The following TONSL variants were observed in gnomAD, a reference collection of about 807,000 sequenced individuals.
TONSL encodes tonsoku like, DNA repair protein.
TONSL carries 112 observed loss-of-function variants against 147.1 expected under a neutral mutation model. That is an observed-to-expected ratio of 0.76 (90% CI 0.65 to 0.89). The LOEUF (loss-of-function observed/expected upper bound fraction) is 0.89. Among genes scored for constraint, TONSL ranks in the 40% least tolerant of loss-of-function variants. The pLI is 0.00. For synonymous variants in TONSL, 868 were observed against 801.5 expected, an observed-to-expected ratio of 1.08 and a Z score of -1.40; for missense variants, 1,883 against 1,864.6, an observed-to-expected ratio of 1.01 and a Z score of -0.18.
At chr8:144,438,812 C>A (rs1823584209) in intron 11 of TONSL, 77 bp from the exon 12 acceptor site, 1 of 1,455,152 alleles carries the variant, frequency 6.9e-7, no homozygotes. Context: ...CTGCAAGCTC[C>A]CCAAACTCCC....
intron 9 of TONSL, 116 bp from the exon 10 acceptor site, chr8:144,440,592 G>A: frequency 4.6e-6 from 7 of 1,522,600 alleles, no homozygotes; most frequent in Non-Finnish European, 6.2e-6. Context: ...AGCTGCCGAG[G>A]GTGGATGGTC....
chr8:144,444,094 G>A (rs990261822), intron 2 of TONSL, 70 bp from the exon 3 acceptor site: 12 of 1,327,312 alleles, frequency 9.0e-6, no homozygotes, highest in Non-Finnish European at 1.1e-5. Context: ...GGCGTCTGCC[G>A]GAAGAGCCCG....
intron 14 of TONSL, 53 bp from the exon 15 acceptor site, chr8:144,436,973 C>G: frequency 6.2e-7 from 1 of 1,612,904 alleles, no homozygotes; most frequent in Middle Eastern, 1.7e-4. Context: ...AGGACTGACT[C>G]TTCGCCCCAC....
chr8:144,433,278 G>A (rs1017898093), intron 22 of TONSL: 9 of 249,824 alleles, frequency 3.6e-5, no homozygotes, highest in Middle Eastern at 1.3e-3. Flanking sequence ...GCGTTTCACC[G>A]TGTTAGCCAG....
At position 144,433,873 on chromosome 8, in the gene TONSL, C is replaced by T. The variant is rs115816282; in HGVS notation, c.3387+105G>A. On this transcript the variant is annotated intron_variant, in intron 21 of 25. Coordinates refer to ENST00000409379, the MANE Select transcript of TONSL (RefSeq NM_013432.5). The stretch of plus-strand genomic sequence containing the variant: ...CTTGCCTGGCATAGCCTATTACAGC[C>T]GGGCACTGGCTGGCTCTCCCAACTA... 5,087 of 1,465,210 alleles carry T rather than the reference C, an allele frequency of 3.5e-3. 143 individuals carry two copies. The African/African-American group carries it at 0.062, about 18-fold the overall frequency. The allele number at this position is 1,465,210 out of a possible 1,614,324, so 90.8% of individuals were successfully genotyped here. A position where few individuals can be genotyped will look rare whatever the true frequency, so the allele number is the denominator to read the frequency against.
At position 144,429,063 on chromosome 8, in the gene TONSL, A is replaced by T; in HGVS notation, c.*80T>A. 1.4e-6 allele frequency: 2 copies of T among 1,414,576 alleles called. No individual in the cohort carries two copies. The highest frequency in any genetic ancestry group is 1.9e-6 in the Non-Finnish European group (2 of 1,078,320). The allele number at this position is 1,414,576 out of a possible 1,614,324, so 87.6% of individuals were successfully genotyped here. On this transcript the variant is annotated 3_prime_UTR_variant, in exon 26 of 26. Transcript: ENST00000409379. ...CTGGGCCTCCCAAAGTGTTGGGATT[A>T]CAGGCGTGAGCCACCGCGCCCGGCC...
chr8:144,440,097 C>T lies in TONSL; in HGVS notation c.1404G>A (p.Glu468=), dbSNP rs778541195. 23 of 1,610,558 alleles carry T rather than the reference C, an allele frequency of 1.4e-5. No individual in the cohort carries two copies. Among genetic ancestry groups the T allele is most frequent in the Non-Finnish European group, 1.8e-5 (21 of 1,178,312 alleles). The change falls in exon 11 of 26, where the codon GAG becomes GAA. Residue 468 remains glutamate (E), a synonymous_variant. Coordinates refer to ENST00000409379, the MANE Select transcript of TONSL (RefSeq NM_013432.5). ...ELSVAEDEDE[E]EEAEEAAATA... ...TGGCTGCCGCCTCCTCCGCCTCCTC[C>T]TCCTCATCTTCATCTTCAGCTACAC... is the stretch of plus-strand genomic sequence containing the variant.
chr8:144,432,605 G>A (rs1369462545), intron 22 of TONSL, 145 bp from the exon 23 acceptor site: 4 of 779,864 alleles, frequency 5.1e-6, no homozygotes, highest in East Asian at 6.5e-5. Flanking sequence ...AGAGGCAAAG[G>A]CTCTCGCCCA....
chr8:144,439,952 C>T, intron 11 of TONSL, 69 bp downstream of exon 11: 1 of 751,668 alleles, frequency 1.3e-6, no homozygotes, highest in South Asian at 1.5e-5. Context: ...TCCACAGCAG[C>T]ACAGCACACC....
rs148146816 is a variant in TONSL, at chr8:144,435,863, C to A, written c.2570G>T (p.Arg857Leu). ...CGACCCAGAGGTACTACTGGGCCTG[C>A]GGTTGTCTCCAGTGCCCCGGGGGCG... is the stretch of plus-strand genomic sequence containing the variant. ...RPRPRGTGDN[R>L]RPSSTSGSDS... The change falls in exon 17 of 26, where the codon CGC becomes CTC. Residue 857 changes from arginine to leucine, a missense_variant. Coordinates refer to ENST00000409379, the MANE Select transcript of TONSL (RefSeq NM_013432.5). The A allele has an allele frequency of 2.5e-6, 4 of 1,604,428 alleles. No individual in the cohort carries two copies. The African/African-American group carries it at 4.0e-5, about 16-fold the overall frequency.
At chr8:144,439,939 G>C (rs1293627132) in intron 11 of TONSL, 82 bp downstream of exon 11, 1 of 710,536 alleles carries the variant, frequency 1.4e-6, no homozygotes, top group Non-Finnish European at 2.5e-6. Flanking sequence ...GCCCTAAGCA[G>C]GCTCCACAGC....
Position 144,433,670 on chromosome 8 carries a change from G to A in TONSL, c.3477C>T (p.Leu1159=). The A allele has an allele frequency of 6.2e-7, 1 of 1,613,150 alleles. No homozygotes were observed. The highest frequency in any genetic ancestry group is 8.5e-7 in the Non-Finnish European group (1 of 1,179,920). ...LASLLHACPL[L]STLRLQACGF... ...CACACGCCTGCAGGCGCAGGGTGCT[G>A]AGTAAGGGGCAGGCGTGCAGGAGGG... is the stretch of plus-strand genomic sequence containing the variant. The change falls in exon 22 of 26, where the codon CTC becomes CTT. Residue 1159 remains leucine (L), a synonymous_variant. Coordinates refer to ENST00000409379, the MANE Select transcript of TONSL (RefSeq NM_013432.5).
intron 7 of TONSL, chr8:144,441,419 C>T (rs1437859185): frequency 3.1e-5 from 9 of 286,246 alleles, no homozygotes; most frequent in Middle Eastern, 1.1e-3. Flanking sequence ...GGTGAAACCT[C>T]GTCTCTACTA....
At position 144,436,570 on chromosome 8, in the gene TONSL, C is replaced by T. The variant is rs773624445; in HGVS notation, c.2002G>A (p.Ala668Thr). 2.1e-5 allele frequency: 34 copies of T among 1,610,518 alleles called. No homozygotes were observed. The highest frequency in any genetic ancestry group is 2.8e-5 in the Non-Finnish European group (33 of 1,179,848). ...ACGCCCTGCTTGCCTTGGCCCGAGG[C>T]AGCCGCCTGGAGCAGCATCTCCATG... ...RAMEMLLQAA[A>T]SGQDPHSSQA... Residue 668 changes from alanine to threonine, a missense_variant, in exon 16 of 26, where the codon GCC (alanine) becomes ACC (threonine). By Grantham distance (58) the Ala-to-Thr change is moderately conservative (BLOSUM62 0). Transcript: ENST00000409379.
rs1215601253 is a variant in TONSL at position 144,437,051 on chromosome 8, C to T, written c.1702G>A (p.Glu568Lys). ...RDYCGWTPLH[E>K]ACNYGHLEIV... ...CCTAGATGCCCGTAGTTGCAGGCCTCGTGCAGAGGTGTCCAGCCACAGTAG... is the reference window on the plus strand; with the variant it reads ...CCTAGATGCCCGTAGTTGCAGGCCTTGTGCAGAGGTGTCCAGCCACAGTAG... Residue 568 changes from glutamate (E) to lysine (K), a missense_variant, in exon 14 of 26, where the codon GAG becomes AAG. Physicochemically the swap from Glu to Lys is moderately conservative, Grantham distance 56. Coordinates refer to ENST00000409379, the MANE Select transcript of TONSL (RefSeq NM_013432.5). 3 of 1,613,140 alleles carry T rather than the reference C, an allele frequency of 1.9e-6. No individual in the cohort carries two copies. Among genetic ancestry groups the T allele is most frequent in the Non-Finnish European group, 2.5e-6 (3 of 1,180,008 alleles).
In TONSL at chr8:144,433,972, CTA is replaced by C; in HGVS notation, c.3387+4_3387+5del. The C allele has an allele frequency of 6.3e-7, 1 of 1,575,340 alleles. No individual in the cohort carries two copies. Among genetic ancestry groups the C allele is most frequent in the Non-Finnish European group, 8.6e-7 (1 of 1,158,190 alleles). On this transcript the variant is annotated splice_donor_5th_base_variant and intron_variant, in intron 21 of 25. Transcript: ENST00000409379. Reference sequence around the variant, plus strand: ...GTTGAGGGCCTGCTGCTCTCTGTGCCTATACCTGCAAGGTGGCTTGGCCTGGG... The same window carrying C: ...GTTGAGGGCCTGCTGCTCTCTGTGCCTACCTGCAAGGTGGCTTGGCCTGGG...
intron 22 of TONSL, chr8:144,433,381 G>C (rs1489678222): frequency 1.8e-6 from 1 of 559,128 alleles, no homozygotes. Flanking sequence ...CGGCCTAGAC[G>C]CTTTTTTCTT....
In TONSL at chr8:144,436,281, C is replaced by G; in HGVS notation, c.2152G>C (p.Val718Leu). ...LPEASQAHVR[V>L]SPGQAAPAMA... ...GCTGGTGCCGCCTGCCCTGGGGAGACCCTGACATGGGCCTGAGAGGCCTCT... is the reference window on the plus strand; with the variant it reads ...GCTGGTGCCGCCTGCCCTGGGGAGAGCCTGACATGGGCCTGAGAGGCCTCT... Residue 718 changes from valine to leucine, a missense_variant, in exon 17 of 26, where the codon GTC becomes CTC. Val to Leu is a conservative substitution (Grantham distance 32). Coordinates refer to ENST00000409379, the MANE Select transcript of TONSL (RefSeq NM_013432.5). 6.6e-7 allele frequency: 1 copy of G among 1,512,306 alleles called. No homozygotes were observed. The allele number at this position is 1,512,306 out of a possible 1,614,324, so 93.7% of individuals were successfully genotyped here.
chr8:144,435,301 T>A, intron 18 of TONSL, 131 bp from the exon 19 acceptor site: 1 of 1,315,328 alleles, frequency 7.6e-7, no homozygotes, highest in East Asian at 2.6e-5. Context: ...CGGCCCCTCC[T>A]CTCCCTGCAG....
Sources: allele counts gnomAD v4.1 joint callset, GRCh38; gene constraint gnomAD v4.1.1; transcripts MANE v1.5; gene names NCBI Gene and HGNC (gene_info 2026-07-23, HGNC 2026-07-21).